The following MCTP1 variants were observed in gnomAD, a reference collection of about 807,000 sequenced individuals.
MCTP1 encodes multiple C2 and transmembrane domain-containing protein 1.
In MCTP1, 69 loss-of-function variants were observed where a neutral mutation model predicts 120.6. The observed-to-expected ratio is 0.57, with a 90% CI of 0.47 to 0.70. The LOEUF (loss-of-function observed/expected upper bound fraction) is 0.70, where lower values mean the gene tolerates loss of function less well. MCTP1 is among the 30% of genes least tolerant of loss of function. MCTP1 has a pLI of 0.00. For missense variants in MCTP1, 1,203 were observed against 1,248.8 expected (o/e 0.96, Z 0.55); for synonymous variants, 529 against 493.1 (o/e 1.07, Z -0.96).
intron 1 of MCTP1, among the ~76,000 whole-genome samples, chr5:95,131,591 A>AT (rs924425130): frequency 1.8e-4 from 27 of 151,012 alleles, no homozygotes; most frequent in African/African-American, 3.6e-4. Context: ...GCTCTGATCT[A>AT]TTTTTTTTTC....
chr5:94,767,883 T>G (rs1195379521), intron 19 of MCTP1, among the ~76,000 whole-genome samples: 1 of 152,110 alleles, frequency 6.6e-6, no homozygotes, highest in East Asian at 1.9e-4. Context: ...ATAACATTCT[T>G]CTGAGAAATA....
intron 5 of MCTP1, among the ~76,000 whole-genome samples, chr5:94,939,187 AT>A (rs1226456133): frequency 6.6e-6 from 1 of 152,034 alleles, no homozygotes; most frequent in African/African-American, 2.4e-5. Context: ...GTAATTCACT[AT>A]TTTTACCTGC....
chr5:94,997,906 T>C (rs969452763), intron 2 of MCTP1, among the ~76,000 whole-genome samples: 5 of 152,226 alleles, frequency 3.3e-5, no homozygotes, highest in African/African-American at 1.2e-4. Flanking sequence ...TTATTTCATA[T>C]ACATGTATGT....
intron 17 of MCTP1, among the ~76,000 whole-genome samples, chr5:94,845,069 C>T (rs545641035): frequency 6.6e-6 from 1 of 152,260 alleles, no homozygotes; most frequent in South Asian, 2.1e-4. Flanking sequence ...TATTTGCAAA[C>T]TATATATCTG....
chr5:95,021,494 C>T (rs1328644923), intron 1 of MCTP1, among the ~76,000 whole-genome samples: 1 of 151,882 alleles, frequency 6.6e-6, no homozygotes, highest in Non-Finnish European at 1.5e-5. Context: ...GTTGTATGCC[C>T]TTCAATACAA....
intron 10 of MCTP1, among the ~76,000 whole-genome samples, chr5:94,898,658 A>G (rs1804717269): frequency 6.6e-6 from 1 of 152,218 alleles, no homozygotes; most frequent in Non-Finnish European, 1.5e-5. Flanking sequence ...GGATAGGTAT[A>G]CAGTAATGGT....
chr5:94,851,169 C>T (rs1463860810), intron 17 of MCTP1, among the ~76,000 whole-genome samples: 1 of 152,002 alleles, frequency 6.6e-6, no homozygotes, highest in African/African-American at 2.4e-5. Flanking sequence ...TATGCTGAGT[C>T]AGTTTAAAAA....
chr5:95,165,864 A>G (rs919135902), intron 1 of MCTP1, among the ~76,000 whole-genome samples: 25 of 152,084 alleles, frequency 1.6e-4, no homozygotes, highest in African/African-American at 4.6e-4. Context: ...GATGTTCCCA[A>G]TTGGTCCAGA....
At position 95,117,418 on chromosome 5, in the gene MCTP1, T is replaced by C. The variant is rs200593967; in HGVS notation, c.721-99934A>G. Among the ~76,000 whole-genome samples the C allele has an allele frequency of 4.1e-3, 510 of 125,422 alleles. 4 individuals are homozygous for C. The highest frequency in any genetic ancestry group is 0.035 in the East Asian group (142 of 4,106). 82.3% of individuals were successfully genotyped at this position (125,422 alleles called of 152,430 possible). A position where few individuals can be genotyped will look rare whatever the true frequency, so the allele number is the denominator to read the frequency against. ...AAAAAAAAAAAAAAAAAAAAAAAGCTCAACATCACTGATCATTAAAGAAAT... is the reference window on the plus strand; with the variant it reads ...AAAAAAAAAAAAAAAAAAAAAAAGCCCAACATCACTGATCATTAAAGAAAT... On this transcript the variant is annotated intron_variant, in intron 1 of 22. Coordinates refer to ENST00000515393, the MANE Select transcript of MCTP1 (RefSeq NM_024717.7).
chr5:94,735,504 C>CA (rs1764022168), intron 19 of MCTP1, among the ~76,000 whole-genome samples: 1 of 152,046 alleles, frequency 6.6e-6, no homozygotes, highest in East Asian at 1.9e-4. Context: ...CTTGAACTTC[C>CA]AGGCTCAAGA....
At chr5:94,724,975 G>C (rs1761814408) in intron 19 of MCTP1, among the ~76,000 whole-genome samples, 1 of 147,326 alleles carries the variant, frequency 6.8e-6, no homozygotes, top group East Asian at 2.0e-4. Flanking sequence ...AAAAAAAAAA[G>C]TAACAAAGGC....
At chr5:95,275,066 G>C (rs1280574624) in intron 1 of MCTP1, among the ~76,000 whole-genome samples, 2 of 152,080 alleles carry the variant, frequency 1.3e-5, no homozygotes, top group African/African-American at 2.4e-5. Context: ...ACGCCTACAT[G>C]TCATATTGAT....
chr5:94,858,149 A>G (rs1470496914), intron 17 of MCTP1, among the ~76,000 whole-genome samples: 1 of 151,694 alleles, frequency 6.6e-6, no homozygotes, highest in Non-Finnish European at 1.5e-5. Flanking sequence ...AACTCACTGA[A>G]AATATATATT....
intron 1 of MCTP1, among the ~76,000 whole-genome samples, chr5:95,256,294 T>G (rs1489535713): frequency 6.6e-6 from 1 of 152,182 alleles, no homozygotes; most frequent in African/African-American, 2.4e-5. Context: ...GGAAGAAAGT[T>G]TTCCCCTACC....
At chr5:94,953,844 C>CATATATATATAT (rs1561916344) in intron 2 of MCTP1, among the ~76,000 whole-genome samples, 2 of 13,992 alleles carry the variant, frequency 1.4e-4, no homozygotes, top group African/African-American at 1.2e-3. Context: ...TATATATATA[C>CATATATATATAT]ACAACTATAT....
At chr5:95,267,466 T>C (rs1324295858) in intron 1 of MCTP1, among the ~76,000 whole-genome samples, 2 of 152,182 alleles carry the variant, frequency 1.3e-5, no homozygotes, top group African/African-American at 4.8e-5. Context: ...TACTTTCCAA[T>C]AGTACTCAAT....
At chr5:95,218,123 A>G (rs1346056177) in intron 1 of MCTP1, among the ~76,000 whole-genome samples, 1 of 152,242 alleles carries the variant, frequency 6.6e-6, no homozygotes. Flanking sequence ...GAGAACAAGA[A>G]CTTCAAGGAA....
chr5:94,739,915 A>G (rs1015927436), intron 19 of MCTP1, among the ~76,000 whole-genome samples: 13 of 151,992 alleles, frequency 8.6e-5, no homozygotes, highest in African/African-American at 3.1e-4. Context: ...TGATCCACCC[A>G]CCTCAGTCTC....
At chr5:95,016,164 T>C (rs568629803) in intron 2 of MCTP1, among the ~76,000 whole-genome samples, 4 of 152,008 alleles carry the variant, frequency 2.6e-5, no homozygotes, top group Admixed American at 2.0e-4. Context: ...ATTTCCTCAC[T>C]AAGAATGTCT....
Sources: gnomAD v4.1 joint callset for allele counts (sites outside exome capture counted in the v4.1 genomes callset) on GRCh38, gnomAD v4.1.1 for gene constraint, MANE v1.5 for transcripts, NCBI Gene and HGNC (gene_info 2026-07-23, HGNC 2026-07-21) for gene names.